Variants in NID1 observed in about 807,000 individuals in gnomAD.
The protein encoded by NID1 is nidogen-1.
Under a neutral mutation model 130.6 loss-of-function variants are expected in NID1, and 76 were observed. The observed-to-expected ratio is 0.58, with a 90% CI of 0.48 to 0.70. The LOEUF is 0.70. Ranked by LOEUF, NID1 falls within the 30% of genes least tolerant of loss-of-function variation. The pLI is 0.00. For synonymous variants in NID1, 665 were observed against 675.1 expected (o/e 0.98, Z 0.23); for missense variants, 1,517 against 1,664.8 (o/e 0.91, Z 1.54).
intron 12 of NID1, among the ~76,000 whole-genome samples, chr1:236,006,191 C>G (rs1658244127): frequency 6.6e-6 from 1 of 152,162 alleles, no homozygotes; most frequent in African/African-American, 2.4e-5. Flanking sequence ...TGCTCCCCCC[C>G]ATTAGAAATG....
chr1:236,052,061 T>C (rs1659774362), intron 1 of NID1, among the ~76,000 whole-genome samples: 2 of 152,230 alleles, frequency 1.3e-5, no homozygotes, highest in African/African-American at 4.8e-5. Flanking sequence ...TCTGTGATAA[T>C]GAAGAAGGAT....
intron 12 of NID1, among the ~76,000 whole-genome samples, chr1:235,996,959 C>T (rs1043595914): frequency 5.9e-5 from 9 of 152,046 alleles, no homozygotes; most frequent in South Asian, 4.1e-4. Context: ...CTCAGCCTCC[C>T]GAGTAGCCGG....
chr1:236,027,190 T>G (rs1457585109), intron 7 of NID1, among the ~76,000 whole-genome samples: 1 of 151,918 alleles, frequency 6.6e-6, no homozygotes, highest in Non-Finnish European at 1.5e-5. Context: ...GAGACAGTCC[T>G]CCCCACTCAG....
chr1:236,001,710 G>T (rs558651625), intron 12 of NID1, among the ~76,000 whole-genome samples: 103 of 152,290 alleles, frequency 6.8e-4, no homozygotes, highest in African/African-American at 2.5e-3. Context: ...TGGCCAGGGA[G>T]GGGCACTGAA....
At chr1:236,055,599 G>A (rs1432999528) in intron 1 of NID1, among the ~76,000 whole-genome samples, 1 of 150,196 alleles carries the variant, frequency 6.7e-6, no homozygotes, top group East Asian at 2.0e-4. Context: ...AGGTTGCAGT[G>A]AGTCAAGATC....
intron 12 of NID1, among the ~76,000 whole-genome samples, chr1:236,003,767 G>C (rs1036907349): frequency 2.6e-5 from 4 of 152,206 alleles, no homozygotes; most frequent in African/African-American, 4.8e-5. Context: ...CTACTCAGGA[G>C]GCTGAGGTGG....
intron 12 of NID1, among the ~76,000 whole-genome samples, chr1:236,003,401 T>G (rs1043554132): frequency 6.6e-6 from 1 of 152,198 alleles, no homozygotes; most frequent in African/African-American, 2.4e-5. Context: ...CTTGGACAAA[T>G]TATCTAGTCT....
At chr1:235,994,766 G>A (rs559939539) in intron 12 of NID1, among the ~76,000 whole-genome samples, 21 of 149,304 alleles carry the variant, frequency 1.4e-4, no homozygotes, top group Admixed American at 1.3e-3. Flanking sequence ...GCATGATCTC[G>A]ACTCACTGCA....
intron 4 of NID1, among the ~76,000 whole-genome samples, chr1:236,040,807 ATG>A (rs1408055352): frequency 2.7e-5 from 4 of 150,758 alleles, no homozygotes; most frequent in Non-Finnish European, 4.4e-5. Context: ...GGGATTACAG[ATG>A]CCTGCCACCA....
At chr1:236,005,956 G>C (rs1447776263) in intron 12 of NID1, among the ~76,000 whole-genome samples, 1 of 152,188 alleles carries the variant, frequency 6.6e-6, no homozygotes, top group Non-Finnish European at 1.5e-5. Context: ...ATATAGTTAT[G>C]TCATGTGAAT....
chr1:236,057,033 TGG>T (rs1240384397), intron 1 of NID1, among the ~76,000 whole-genome samples: 17 of 151,978 alleles, frequency 1.1e-4, no homozygotes, highest in African/African-American at 3.9e-4. Flanking sequence ...CCAAGGCAGG[TGG>T]ATCACCTGAG....
At position 236,017,155 on chromosome 1, in the gene NID1, C is replaced by T. The variant is rs113435021; in HGVS notation, c.2247G>A (p.Thr749=). Residue 749 remains threonine, a synonymous_variant, in exon 10 of 20, where the codon ACG becomes ACA. Transcript: ENST00000264187. Reference sequence around the variant, plus strand: ...GTTACCTGGAGAACTTACCCACACACGTTCCCTCATCTGAAAACTGGTAGC... The same window carrying T: ...GTTACCTGGAGAACTTACCCACACATGTTCCCTCATCTGAAAACTGGTAGC... ...VEGYQFSDEG[T]CVAVVDQRPI... 622 of 1,614,040 alleles carry T rather than the reference C, an allele frequency of 3.9e-4. 1 individual carries two copies. In the African/African-American group the frequency reaches 6.6e-3, roughly 17 times the overall value.
intron 9 of NID1, among the ~76,000 whole-genome samples, chr1:236,017,587 T>C (rs1345760888): frequency 1.3e-5 from 2 of 152,220 alleles, no homozygotes; most frequent in African/African-American, 2.4e-5. Context: ...GGTTTCAGCA[T>C]GTTGGCCAGG....
chr1:236,047,577 GT>G, intron 2 of NID1, among the ~76,000 whole-genome samples: 1 of 152,104 alleles, frequency 6.6e-6, no homozygotes, highest in African/African-American at 2.4e-5. Context: ...CCAACCCTGG[GT>G]TATGACAATA....
intron 1 of NID1, among the ~76,000 whole-genome samples, chr1:236,058,509 G>A (rs1368350079): frequency 6.6e-6 from 1 of 152,222 alleles, no homozygotes; most frequent in Non-Finnish European, 1.5e-5. Context: ...CTGACAAGAA[G>A]GGGATGGACA....
intron 5 of NID1, among the ~76,000 whole-genome samples, chr1:236,037,494 T>A (rs981528625): frequency 6.6e-6 from 1 of 151,986 alleles, no homozygotes; most frequent in Non-Finnish European, 1.5e-5. Context: ...CCCATCTCTA[T>A]GAAAAATACA....
chr1:236,053,072 A>G lies in NID1; in HGVS notation c.226-4083T>C, dbSNP rs144553159. ...AACTTCGTGGGTCAGAAGTGTTGAC[A>G]ATGTTGCTTTGCAAACATTTCTTCC... On this transcript the variant is annotated intron_variant, in intron 1 of 19. Transcript: ENST00000264187. 2.9e-4 allele frequency among the ~76,000 whole-genome samples: 44 copies of G among 152,332 alleles called. No individual in the cohort carries two copies. The East Asian group carries it at 8.1e-3, about 28-fold the overall frequency.
At chr1:236,023,473 T>C (rs1016575158) in intron 9 of NID1, among the ~76,000 whole-genome samples, 1 of 152,024 alleles carries the variant, frequency 6.6e-6, no homozygotes, top group Admixed American at 6.6e-5. Context: ...GAAATGTGAG[T>C]TGTTGTTTAA....
At chr1:236,032,370 C>T (rs1659122941) in intron 6 of NID1, 31 bp downstream of exon 6, 1 of 1,607,910 alleles carries the variant, frequency 6.2e-7, no homozygotes, top group Non-Finnish European at 8.5e-7. Flanking sequence ...TACTGTGTGA[C>T]CCACTAATTT....
Sources: allele counts gnomAD v4.1 joint callset (sites outside exome capture counted in the v4.1 genomes callset), GRCh38; gene constraint gnomAD v4.1.1; transcripts MANE v1.5; gene names NCBI Gene and HGNC (gene_info 2026-07-23, HGNC 2026-07-21).